NFATC4: variants seen among roughly 807,000 people sequenced by gnomAD.
NFATC4 encodes nuclear factor of activated T cells 4, also known as nuclear factor of activated T-cells, cytoplasmic 4.
A neutral mutation model predicts 73.4 loss-of-function variants in NFATC4; 25 were observed. The ratio of observed to expected loss-of-function variants is 0.34; its 90% confidence interval spans 0.25 to 0.48. The LOEUF (loss-of-function observed/expected upper bound fraction) is 0.48. NFATC4 is among the 20% of genes least tolerant of loss of function. NFATC4 has a pLI of 0.99. For missense variants in NFATC4, 1,130 were observed against 1,203.7 expected (o/e 0.94, Z 0.91); for synonymous variants, 523 against 510.3 (o/e 1.02, Z -0.34).
chr14:24,369,703 C>T lies in NFATC4; in HGVS notation c.305C>T (p.Ala102Val). 1 of 1,609,808 alleles carries T rather than the reference C, an allele frequency of 6.2e-7. No homozygotes were observed. The highest frequency in any genetic ancestry group is 8.5e-7 in the Non-Finnish European group (1 of 1,177,596). ...AGGCTGGGAGGACCAGGAGGGGGTG[C>T]TGGGGGTGCTGGGGGTGGCCGTGTT... ...SVRLGGPGGGAGGAGGGRVLE... is the reference protein window; with the variant it reads ...SVRLGGPGGGVGGAGGGRVLE... Residue 102 changes from alanine (A) to valine (V), a missense_variant, in exon 2 of 10, where the codon GCT becomes GTT. This residue lies in a region of NFATC4 where 585 missense variants were observed against 574.3 expected (regional missense o/e 1.02). Transcript: ENST00000250373.
rs1425341865 is a variant in NFATC4 at position 24,369,691 on chromosome 14, C to A, written c.293C>A (p.Pro98Gln). The A allele has an allele frequency of 1.3e-6, 2 of 1,579,078 alleles. No homozygotes were observed. The highest frequency in any genetic ancestry group is 2.2e-5 in the South Asian group (2 of 89,306). ...QPARSVRLGG[P>Q]GGGAGGAGGG... ...GCCAGGTCGGTGAGGCTGGGAGGAC[C>A]AGGAGGGGGTGCTGGGGGTGCTGGG... Residue 98 changes from proline (P) to glutamine (Q), a missense_variant, in exon 2 of 10, where the codon CCA (proline) becomes CAA (glutamine). Coordinates refer to ENST00000250373, the MANE Select transcript of NFATC4 (RefSeq NM_004554.5).
Position 24,372,616 on chromosome 14 carries a change from C to T in NFATC4, c.1359+13C>T. 6.2e-7 allele frequency: 1 copy of T among 1,613,764 alleles called. No homozygotes were observed. The highest frequency in any genetic ancestry group is 8.5e-7 in the Non-Finnish European group (1 of 1,180,024). ...CCCCGTAGTCAAGGTAAAGGACAGA[C>T]AGCAGGCCTGATATCCTCTCTCCTC... On this transcript the variant is annotated intron_variant, in intron 3 of 9. Transcript: ENST00000250373.
Position 24,376,190 on chromosome 14 carries a change from C to T in NFATC4, c.2056+89C>T, listed in dbSNP as rs1204884986. ...GGAAGCAGTACTCATCATGAGGGGC[C>T]AAGGGGTGAATGGAACCTGGGAGGA... On this transcript the variant is annotated intron_variant, in intron 8 of 9. Transcript: ENST00000250373. The surrounding 1 kb of genome is among the most constrained non-coding windows in gnomAD (Gnocchi z 5.0). The T allele has an allele frequency of 1.3e-6, 2 of 1,592,982 alleles. No individual in the cohort carries two copies. Among genetic ancestry groups the T allele is most frequent in the Non-Finnish European group, 1.7e-6 (2 of 1,167,802 alleles).
In NFATC4 at chr14:24,377,375, C is replaced by A. The variant is rs1180251995; in HGVS notation, c.2642-263C>A. 2 of 1,361,954 alleles carry A rather than the reference C, an allele frequency of 1.5e-6. No homozygotes were observed. The highest frequency in any genetic ancestry group is 2.9e-5 in the African/African-American group (2 of 68,670). The allele number at this position is 1,361,954 out of a possible 1,614,324, so 84.4% of individuals were successfully genotyped here. ...ATCTCTGGCCCTGCTGATACCGATT[C>A]CCCTGACATTTCAGGCTAAGCCAGC... On this transcript the variant is annotated intron_variant, in intron 9 of 9. Transcript: ENST00000250373. This position sits in a 1 kb window ranked among gnomAD's most constrained non-coding sequence, Gnocchi z 4.2.
At position 24,370,286 on chromosome 14, in the gene NFATC4, G is replaced by C; in HGVS notation, c.888G>C (p.Glu296Asp). Residue 296 changes from glutamate to aspartate, a missense_variant, in exon 2 of 10, where the codon GAG becomes GAC. Glu to Asp is a conservative substitution (Grantham distance 45). Transcript: ENST00000250373. Reference sequence around the variant, plus strand: ...GCAGCCTGGGGGAAGAGGGGTCTGAGCCACCTCCACCACCCCCATTGCCTC... The same window carrying C: ...GCAGCCTGGGGGAAGAGGGGTCTGACCCACCTCCACCACCCCCATTGCCTC... ...RRGSLGEEGS[E>D]PPPPPPLPLA... is the part of the protein sequence containing the mutation. 1 of 1,612,188 alleles carries C rather than the reference G, an allele frequency of 6.2e-7. No homozygotes were observed. The highest frequency in any genetic ancestry group is 8.5e-7 in the Non-Finnish European group (1 of 1,179,046).
In NFATC4 at chr14:24,377,985, A is replaced by C; in HGVS notation, c.*280A>C. On this transcript the variant is annotated 3_prime_UTR_variant, in exon 10 of 10. Transcript: ENST00000250373. The surrounding 1 kb of genome is among the most constrained non-coding windows in gnomAD (Gnocchi z 4.2). ...AATGGACTGGAGTGAAGGCGTGTCT[A>C]GAGTGTGGGCTGGCTGTTGTGCTGG... 1 of 576,916 alleles carries C rather than the reference A, an allele frequency of 1.7e-6. No individual in the cohort carries two copies. The highest frequency in any genetic ancestry group is 1.9e-5 in the African/African-American group (1 of 53,466). The allele number at this position is 576,916 out of a possible 1,614,324, so 35.7% of individuals were successfully genotyped here. A position where few individuals can be genotyped will look rare whatever the true frequency, so the allele number is the denominator to read the frequency against.
At chr14:24,367,476 C>G (rs2042337895), upstream of NFATC4, 2 of 1,535,456 alleles carry the variant, frequency 1.3e-6, no homozygotes, top group East Asian at 2.4e-5. Flanking sequence ...GGATCTACGC[C>G]CATCAAGGGC....
intron 2 of NFATC4, among the ~76,000 whole-genome samples, chr14:24,371,004 C>A (rs2042460613): frequency 6.6e-6 from 1 of 152,220 alleles, no homozygotes. Flanking sequence ...CAGACCTAAG[C>A]AGATTTCCAC....
rs779626056 is a variant in NFATC4, at chr14:24,376,840, G to A, written c.2603G>A (p.Arg868Gln). ...AGGGGTGGCTACAGCAGCGGCTTCC[G>A]AGACAGTGTCCCTATCCAGGGTATC... The part of the protein sequence containing the change: ...KSRGGYSSGF[R>Q]DSVPIQGITL... The change falls in exon 9 of 10, where the codon CGA becomes CAA. Residue 868 changes from arginine to glutamine, a missense_variant. Transcript: ENST00000250373. The surrounding 1 kb of genome is among the most constrained non-coding windows in gnomAD (Gnocchi z 5.0). 16 of 1,596,438 alleles carry A rather than the reference G, an allele frequency of 1.0e-5. No individual in the cohort carries two copies. The highest frequency in any genetic ancestry group is 1.3e-5 in the Non-Finnish European group (15 of 1,172,064).
Position 24,373,404 on chromosome 14 carries a change from G to C in NFATC4, c.1559+34G>C, listed in dbSNP as rs746066757. On this transcript the variant is annotated intron_variant, in intron 4 of 9. Transcript: ENST00000250373. The surrounding 1 kb of genome is among the most constrained non-coding windows in gnomAD (Gnocchi z 4.7). ...CATGCAACTTCCCCTCAGTCCGCAGGCTTTGTACTAGCTTTCTCCACTGGG... is the reference window on the plus strand; with the variant it reads ...CATGCAACTTCCCCTCAGTCCGCAGCCTTTGTACTAGCTTTCTCCACTGGG... 4 of 1,609,590 alleles carry C rather than the reference G, an allele frequency of 2.5e-6. No homozygotes were observed. Among genetic ancestry groups the C allele is most frequent in the Non-Finnish European group, 3.4e-6 (4 of 1,177,558 alleles).
rs755617374 is a variant in NFATC4 at position 24,370,179 on chromosome 14, C to A, written c.781C>A (p.Arg261=). 2.3e-5 allele frequency: 37 copies of A among 1,605,434 alleles called. No homozygotes were observed. Among genetic ancestry groups the A allele is most frequent in the Non-Finnish European group, 3.1e-5 (36 of 1,179,792 alleles). ...SAPGPTPASP[R]PASPCGKRRY... Reference sequence around the variant, plus strand: ...TCCTGGGCCCACCCCAGCCTCCCCGCGGCCTGCCTCTCCATGTGGCAAGCG... The same window carrying A: ...TCCTGGGCCCACCCCAGCCTCCCCGAGGCCTGCCTCTCCATGTGGCAAGCG... Residue 261 remains arginine, a synonymous_variant, in exon 2 of 10, where the codon CGG becomes AGG. Coordinates refer to ENST00000250373, the MANE Select transcript of NFATC4 (RefSeq NM_004554.5).
Position 24,372,443 on chromosome 14 carries a change from C to A in NFATC4, c.1199C>A (p.Thr400Asn). ...CAATGCTCTTCTCTCCCACCCAGGA[C>A]CTCTGCCCTACCCCCACTGGACTGG... Reference protein sequence around the residue: ...RIGGHSPIFRTSALPPLDWPL... With the variant: ...RIGGHSPIFRNSALPPLDWPL... Residue 400 changes from threonine to asparagine, a missense_variant and splice_region_variant, in exon 3 of 10, where the codon ACC becomes AAC. Physicochemically the swap from Thr to Asn is moderately conservative, Grantham distance 65. This residue lies in a region of NFATC4 where 585 missense variants were observed against 574.3 expected (regional missense o/e 1.02). Transcript: ENST00000250373. 1 of 1,613,160 alleles carries A rather than the reference C, an allele frequency of 6.2e-7. No individual in the cohort carries two copies. Among genetic ancestry groups the A allele is most frequent in the Non-Finnish European group, 8.5e-7 (1 of 1,179,974 alleles).
chr14:24,368,933 A>G, intron 1 of NFATC4: 1 of 606,314 alleles, frequency 1.6e-6, no homozygotes, highest in Non-Finnish European at 2.1e-6. Flanking sequence ...CGCTCGCACG[A>G]ATCCGCGCTG....
At position 24,369,891 on chromosome 14, in the gene NFATC4, G is replaced by T. The variant is rs1043942879; in HGVS notation, c.493G>T (p.Ala165Ser). The change falls in exon 2 of 10, where the codon GCC becomes TCC. Residue 165 changes from alanine to serine, a missense_variant. Physicochemically the swap from Ala to Ser is moderately conservative, Grantham distance 99 (BLOSUM62 1). Transcript: ENST00000250373. ...YREAGGQGGG[A>S]FFSPSPGSSS... ...AGAAGCAGGGGGCCAGGGTGGGGGG[G>T]CCTTCTTCAGCCCAAGCCCTGGCAG... The T allele has an allele frequency of 1.2e-6, 2 of 1,611,308 alleles. No individual in the cohort carries two copies. Among genetic ancestry groups the T allele is most frequent in the Non-Finnish European group, 8.5e-7 (1 of 1,179,094 alleles).
chr14:24,373,086 C>A lies in NFATC4; in HGVS notation c.1360-85C>A. The A allele has an allele frequency of 1.5e-6, 2 of 1,365,264 alleles. No individual in the cohort carries two copies. Among genetic ancestry groups the A allele is most frequent in the Non-Finnish European group, 1.0e-6 (1 of 977,398 alleles). 84.6% of individuals were successfully genotyped at this position (1,365,264 alleles called of 1,614,324 possible). A position where few individuals can be genotyped will look rare whatever the true frequency, so the allele number is the denominator to read the frequency against. On this transcript the variant is annotated intron_variant, in intron 3 of 9. Transcript: ENST00000250373. The surrounding 1 kb of genome is among the most constrained non-coding windows in gnomAD (Gnocchi z 4.7). ...ATCCTTTATCTTTCACCATTCCCATCCCATGGTAGACTGAAAATCTAGGGA... is the reference window on the plus strand; with the variant it reads ...ATCCTTTATCTTTCACCATTCCCATACCATGGTAGACTGAAAATCTAGGGA...
rs1292580377 is a variant in NFATC4 at position 24,375,677 on chromosome 14, G to C, written c.1891G>C (p.Glu631Gln). 1.3e-6 allele frequency: 2 copies of C among 1,556,556 alleles called. No homozygotes were observed. Among genetic ancestry groups the C allele is most frequent in the Admixed American group, 3.9e-5 (2 of 51,328 alleles). ...CTGGACAGATGGGAAGCTGCAATGG[G>C]AGGAGGAGGCCACAGTGAACCGACT... ...ERGPDGKLQW[E>Q]EEATVNRLQS... The change falls in exon 7 of 10, where the codon GAG becomes CAG. Residue 631 changes from glutamate to glutamine, a missense_variant. This residue lies in a region of NFATC4 where 390 missense variants were observed against 408.1 expected (regional missense o/e 0.96). Coordinates refer to ENST00000250373, the MANE Select transcript of NFATC4 (RefSeq NM_004554.5).
Position 24,372,583 on chromosome 14 carries a change from G to T in NFATC4, c.1339G>T (p.Gly447Cys). 6.2e-7 allele frequency: 1 copy of T among 1,614,046 alleles called. No individual in the cohort carries two copies. Among genetic ancestry groups the T allele is most frequent in the East Asian group, 2.2e-5 (1 of 44,882 alleles). ...GSRGAVKAAP[G>C]GHPVVKLLGY... The stretch of plus-strand genomic sequence containing the variant: ...CCGTGGAGCTGTCAAAGCTGCCCCT[G>T]GCGGTCACCCCGTAGTCAAGGTAAA... Residue 447 changes from glycine to cysteine, a missense_variant, in exon 3 of 10, where the codon GGC (glycine) becomes TGC (cysteine). By Grantham distance (159) the Gly-to-Cys change is radical. Transcript: ENST00000250373.
Position 24,376,593 on chromosome 14 carries a change from C to T in NFATC4, c.2356C>T (p.Pro786Ser), listed in dbSNP as rs374275387. Residue 786 changes from proline to serine, a missense_variant, in exon 9 of 10, where the codon CCC becomes TCC. By Grantham distance (74) the Pro-to-Ser change is moderately conservative. Transcript: ENST00000250373. The surrounding 1 kb of genome is among the most constrained non-coding windows in gnomAD (Gnocchi z 5.0). ...ACCTGCAGTTTCCTTCCTTCCCCGC[C>T]CCTTCCCTAGTGACCCGTATGGAGG... ...QPPAVSFLPR[P>S]FPSDPYGGRG... The T allele has an allele frequency of 2.5e-6, 4 of 1,613,954 alleles. No individual in the cohort carries two copies. Among genetic ancestry groups the T allele is most frequent in the Non-Finnish European group, 2.5e-6 (3 of 1,179,972 alleles).
chr14:24,373,370 A>C lies in NFATC4; in HGVS notation c.1559A>C (p.Asn520Thr). 1.2e-6 allele frequency: 2 copies of C among 1,613,652 alleles called. No individual in the cohort carries two copies. The highest frequency in any genetic ancestry group is 2.7e-5 in the African/African-American group (2 of 75,048). ...TLLPENNMAA[N>T]IDCAGILKLR... ...CTGCCTGAGAACAACATGGCGGCCA[A>C]GTAAGTCCCATGCAACTTCCCCTCA... is the stretch of plus-strand genomic sequence containing the variant. Residue 520 changes from asparagine to threonine, a missense_variant and splice_region_variant, in exon 4 of 10, where the codon AAC (asparagine) becomes ACC (threonine). Transcript: ENST00000250373. This position sits in a 1 kb window ranked among gnomAD's most constrained non-coding sequence, Gnocchi z 4.7.
Sources: allele counts gnomAD v4.1 joint callset (sites outside exome capture counted in the v4.1 genomes callset), GRCh38; gene constraint gnomAD v4.1.1; regional missense constraint gnomAD v4.1.1; non-coding constraint Gnocchi (gnomAD v3.1); transcripts MANE v1.5; gene names NCBI Gene and HGNC (gene_info 2026-07-23, HGNC 2026-07-21).